The following ALK variants were observed in gnomAD, a reference collection of about 807,000 sequenced individuals.
ALK encodes the protein ALK receptor tyrosine kinase, also known as ALK tyrosine kinase receptor.
ALK carries 74 observed loss-of-function variants against 163.1 expected under a neutral mutation model. The observed-to-expected ratio is 0.45, with a 90% confidence interval of 0.38 to 0.55. The LOEUF is 0.55. Ranked by LOEUF, ALK falls within the 20% of genes least tolerant of loss-of-function variation. ALK has a pLI of 0.00. For synonymous variants in ALK, 960 were observed against 843.2 expected (o/e 1.14, Z -2.40); for missense variants, 2,063 against 2,105.3 (o/e 0.98, Z 0.39).
intron 3 of ALK, among the ~76,000 whole-genome samples, chr2:29,674,399 T>C (rs1677807839): frequency 6.6e-6 from 1 of 151,774 alleles, no homozygotes; most frequent in African/African-American, 2.4e-5. Flanking sequence ...TGTTGAATTT[T>C]GTCAAAGGCC....
chr2:29,774,699 A>G (rs915914853), intron 1 of ALK, among the ~76,000 whole-genome samples: 2 of 152,216 alleles, frequency 1.3e-5, no homozygotes, highest in Non-Finnish European at 2.9e-5. Context: ...TAAAAATACA[A>G]TGCCATGCGC....
intron 3 of ALK, among the ~76,000 whole-genome samples, chr2:29,557,635 C>A (rs6547945): frequency 3.7e-4 from 57 of 152,226 alleles, no homozygotes; most frequent in African/African-American, 1.3e-3. Context: ...AAGAAATAGA[C>A]TGTAAGTACC....
intron 1 of ALK, among the ~76,000 whole-genome samples, chr2:29,857,367 C>T (rs917432395): frequency 6.6e-6 from 1 of 151,814 alleles, no homozygotes; most frequent in Non-Finnish European, 1.5e-5. Context: ...CAGGGGATTC[C>T]AGTTAATATG....
intron 4 of ALK, among the ~76,000 whole-genome samples, chr2:29,442,678 G>T (rs994304006): frequency 6.6e-6 from 1 of 152,152 alleles, no homozygotes; most frequent in Non-Finnish European, 1.5e-5. Context: ...AGCACACCTA[G>T]ATCCTAAGCA....
At chr2:29,691,611 T>C (rs1444156943) in intron 3 of ALK, among the ~76,000 whole-genome samples, 2 of 152,184 alleles carry the variant, frequency 1.3e-5, no homozygotes, top group Non-Finnish European at 2.9e-5. Context: ...TCCAGCTTCA[T>C]AAAAACTAAA....
At chr2:29,854,769 T>C (rs1416024351) in intron 1 of ALK, among the ~76,000 whole-genome samples, 1 of 152,230 alleles carries the variant, frequency 6.6e-6, no homozygotes, top group Non-Finnish European at 1.5e-5. Context: ...TGATTGAATA[T>C]ATTTTTTATT....
chr2:29,404,119 C>T (rs973410330), intron 4 of ALK, among the ~76,000 whole-genome samples: 1 of 151,952 alleles, frequency 6.6e-6, no homozygotes, highest in Non-Finnish European at 1.5e-5. Context: ...GCCTGGCCAA[C>T]ATGGTGAAAC....
At chr2:29,689,206 G>A (rs1678323042) in intron 3 of ALK, among the ~76,000 whole-genome samples, 2 of 152,334 alleles carry the variant, frequency 1.3e-5, no homozygotes, top group Non-Finnish European at 1.5e-5. Context: ...GAGTTTCACT[G>A]ATGAAGGAGG....
At chr2:29,548,260 T>G (rs1558378991) in intron 3 of ALK, among the ~76,000 whole-genome samples, 1 of 151,960 alleles carries the variant, frequency 6.6e-6, no homozygotes, top group Non-Finnish European at 1.5e-5. Context: ...GATCACGAGG[T>G]CAGGAGACTG....
chr2:29,699,240 C>T (rs924129560), intron 2 of ALK, among the ~76,000 whole-genome samples: 3 of 152,232 alleles, frequency 2.0e-5, no homozygotes, highest in African/African-American at 4.8e-5. Context: ...GGGAAACTAC[C>T]TTCCCTCAGC....
chr2:29,850,451 G>T (rs1400718791), intron 1 of ALK, among the ~76,000 whole-genome samples: 1 of 152,198 alleles, frequency 6.6e-6, no homozygotes, highest in African/African-American at 2.4e-5. Flanking sequence ...TTCTATGATT[G>T]TTATACTTCT....
chr2:29,893,958 A>G (rs1667207558), intron 1 of ALK, among the ~76,000 whole-genome samples: 3 of 152,298 alleles, frequency 2.0e-5, no homozygotes, highest in Middle Eastern at 6.8e-3. Flanking sequence ...CAGTAGTTCT[A>G]CAAAAACCCT....
chr2:29,332,185 C>T (rs1026776824), intron 5 of ALK, among the ~76,000 whole-genome samples: 2 of 146,140 alleles, frequency 1.4e-5, no homozygotes, highest in Admixed American at 1.4e-4. Flanking sequence ...ACTTTGGAGA[C>T]TGAGGCAGGA....
At chr2:29,539,412 G>A (rs1023167494) in intron 3 of ALK, among the ~76,000 whole-genome samples, 10 of 152,098 alleles carry the variant, frequency 6.6e-5, no homozygotes, top group African/African-American at 1.2e-4. Flanking sequence ...TTAAATTGTC[G>A]TGTGCCACAA....
At position 29,908,280 on chromosome 2, in the gene ALK, G is replaced by GCA. The variant is rs10607985; in HGVS notation, c.667+11711_667+11712dup. ...GCTCTGGCTGGTTCTACTCTCCAGA[G>GCA]CACACACACACACACACACACACAC... On this transcript the variant is annotated intron_variant, in intron 1 of 28. Transcript: ENST00000389048. Among the ~76,000 whole-genome samples, 1,079 of 148,560 alleles carry GCA rather than the reference G, an allele frequency of 7.3e-3. 14 individuals carry two copies. Among genetic ancestry groups the GCA allele is most frequent in the African/African-American group, 0.024 (968 of 40,560 alleles).
chr2:29,788,414 G>C (rs1454428944), intron 1 of ALK, among the ~76,000 whole-genome samples: 2 of 152,198 alleles, frequency 1.3e-5, no homozygotes, highest in Non-Finnish European at 2.9e-5. Context: ...GCCTGCTGTG[G>C]AGACCAGGAG....
chr2:29,777,262 A>T (rs541450448), intron 1 of ALK, among the ~76,000 whole-genome samples: 4 of 152,116 alleles, frequency 2.6e-5, no homozygotes, highest in Non-Finnish European at 5.9e-5. Flanking sequence ...TTTATTTTTG[A>T]TTCTATGGCA....
chr2:29,393,711 G>C (rs571431414), intron 4 of ALK, among the ~76,000 whole-genome samples: 1 of 152,328 alleles, frequency 6.6e-6, no homozygotes, highest in African/African-American at 2.4e-5. Context: ...TGTCCTAGGA[G>C]TGTCCAGAGT....
At chr2:29,749,209 G>A in intron 1 of ALK, among the ~76,000 whole-genome samples, 1 of 151,938 alleles carries the variant, frequency 6.6e-6, no homozygotes, top group Non-Finnish European at 1.5e-5. Flanking sequence ...TGATTCAGTA[G>A]GTCTGGGGTG....
Sources: allele counts gnomAD v4.1 joint callset (sites outside exome capture counted in the v4.1 genomes callset), GRCh38; gene constraint gnomAD v4.1.1; transcripts MANE v1.5; gene names NCBI Gene and HGNC (gene_info 2026-07-23, HGNC 2026-07-21).